DPP10: variants seen among roughly 807,000 people sequenced by gnomAD.
DPP10 encodes the protein inactive dipeptidyl peptidase 10.
In DPP10, 33 loss-of-function variants were observed where a neutral mutation model predicts 120.9. The ratio of observed to expected loss-of-function variants is 0.27; its 90% CI spans 0.21 to 0.37. The LOEUF (loss-of-function observed/expected upper bound fraction) is 0.37, where lower values mean the gene tolerates loss of function less well. Ranked by LOEUF, DPP10 falls within the 10% of genes least tolerant of loss-of-function variation. DPP10 has a pLI of 1.00. For synonymous variants in DPP10, 337 were observed against 326.1 expected (o/e 1.03, Z -0.36); for missense variants, 816 against 942.8 (o/e 0.87, Z 1.76).
intron 13 of DPP10, among the ~76,000 whole-genome samples, chr2:115,768,944 TG>T (rs975971004): frequency 2.0e-5 from 3 of 151,886 alleles, no homozygotes; most frequent in Non-Finnish European, 4.4e-5. Context: ...ATATAATCTA[TG>T]TTTTTTTTTT....
At chr2:115,807,490 A>G (rs13429517) in intron 19 of DPP10, among the ~76,000 whole-genome samples, 2 of 152,130 alleles carry the variant, frequency 1.3e-5, no homozygotes, top group Non-Finnish European at 2.9e-5. Context: ...GCGTAACTGC[A>G]GTTAAACAAC....
At chr2:115,622,510 C>CTTTTTTTTTTTTTTTTTTTTTTTTTTT (rs70941082) in intron 5 of DPP10, among the ~76,000 whole-genome samples, 1 of 117,448 alleles carries the variant, frequency 8.5e-6, no homozygotes. Context: ...ATTTTATTGT[C>CTTTTTTTTTTTTTTTTTTTTTTTTTTT]TTTTTTTTTT....
rs926666274 is a variant in DPP10, at chr2:115,618,462, A to G, written c.442-71225A>G. On this transcript the variant is annotated intron_variant, in intron 5 of 25. Transcript: ENST00000410059. ...GGTGAAAGAGACAAATAAGAAGGAA[A>G]GCAAGTTTAAAGGTTCTGAGGAGTG... Among the ~76,000 whole-genome samples the G allele has an allele frequency of 2.7e-4, 41 of 152,166 alleles. 2 individuals are homozygous for G. Among genetic ancestry groups the G allele is most frequent in the Admixed American group, 1.8e-3 (28 of 15,276 alleles).
rs74512482 is a variant in DPP10 at position 114,933,699 on chromosome 2, A to C, written c.61-375540A>C. On this transcript the variant is annotated intron_variant, in intron 1 of 25. Coordinates refer to ENST00000410059, the MANE Select transcript of DPP10 (RefSeq NM_020868.6). ...AGAGCTATATGATAAAAATAACTAGAAGAATAGCCAAACATTTGGAAGAGA... is the reference window on the plus strand; with the variant it reads ...AGAGCTATATGATAAAAATAACTAGCAGAATAGCCAAACATTTGGAAGAGA... Among the ~76,000 whole-genome samples the C allele has an allele frequency of 6.1e-3, 923 of 152,326 alleles. 11 individuals are homozygous for C. Among genetic ancestry groups the C allele is most frequent in the African/African-American group, 0.021 (876 of 41,572 alleles).
Position 114,895,372 on chromosome 2 carries a change from AG to A in DPP10, c.61-413865del, listed in dbSNP as rs1461895709. Among the ~76,000 whole-genome samples, 3 of 152,348 alleles carry A rather than the reference AG, an allele frequency of 2.0e-5. No individual in the cohort carries two copies. In the East Asian group the frequency reaches 5.8e-4, roughly 29 times the overall value. ...CCTTCCTTCTCCTTGGGCACACAGT[AG>A]GATTTCATTTCTCAGCCTTATATTG... On this transcript the variant is annotated intron_variant, in intron 1 of 25. Transcript: ENST00000410059.
Position 115,557,229 on chromosome 2 carries a change from G to A in DPP10, c.441+31257G>A, listed in dbSNP as rs144255396. The stretch of plus-strand genomic sequence containing the variant: ...AAATGCGGTCAGAAAGAGTTCCTGC[G>A]GTACCACATTATTTTTTTCTTTTTG... On this transcript the variant is annotated intron_variant, in intron 5 of 25. Transcript: ENST00000410059. Among the ~76,000 whole-genome samples, 1,184 of 151,972 alleles carry A rather than the reference G, an allele frequency of 7.8e-3. 17 individuals are homozygous for A. The highest frequency in any genetic ancestry group is 0.025 in the African/African-American group (1,035 of 41,418).
At chr2:115,841,298 G>T (rs1690121007) in intron 25 of DPP10, among the ~76,000 whole-genome samples, 1 of 152,088 alleles carries the variant, frequency 6.6e-6, no homozygotes, top group Non-Finnish European at 1.5e-5. Context: ...AAGAAAAGAA[G>T]AGAGGATAAA....
intron 1 of DPP10, among the ~76,000 whole-genome samples, chr2:114,565,665 G>A (rs1485787500): frequency 6.6e-6 from 1 of 152,208 alleles, no homozygotes; most frequent in African/African-American, 2.4e-5. Context: ...ACCTCTGCAT[G>A]AAGAAATGTG....
At chr2:115,673,697 G>A (rs2090072541) in intron 5 of DPP10, among the ~76,000 whole-genome samples, 1 of 152,164 alleles carries the variant, frequency 6.6e-6, no homozygotes, top group Non-Finnish European at 1.5e-5. Flanking sequence ...GACTAGGTGT[G>A]ATATTTCAAA....
chr2:114,547,288 C>T (rs944495575), intron 1 of DPP10, among the ~76,000 whole-genome samples: 1 of 152,226 alleles, frequency 6.6e-6, no homozygotes, highest in Non-Finnish European at 1.5e-5. Flanking sequence ...CTTTGCTGCT[C>T]CTCCACTCCT....
At position 114,967,478 on chromosome 2, in the gene DPP10, G is replaced by A. The variant is rs142298215; in HGVS notation, c.61-341761G>A. Among the ~76,000 whole-genome samples the A allele has an allele frequency of 9.2e-5, 14 of 152,312 alleles. No individual in the cohort carries two copies. In the East Asian group the frequency reaches 2.7e-3, roughly 29 times the overall value. ...GCTAAGAGGAAGACTGGCATAGAGG[G>A]TTGGGCTTAGGCAGAAGTGGTATAT... On this transcript the variant is annotated intron_variant, in intron 1 of 25. Transcript: ENST00000410059.
chr2:115,302,280 G>A (rs1425792474), intron 1 of DPP10, among the ~76,000 whole-genome samples: 2 of 151,902 alleles, frequency 1.3e-5, no homozygotes, highest in Non-Finnish European at 2.9e-5. Flanking sequence ...ATGATATTTT[G>A]GTAGGGCCAC....
intron 1 of DPP10, among the ~76,000 whole-genome samples, chr2:114,805,630 C>T (rs1684659203): frequency 1.3e-5 from 2 of 152,156 alleles, no homozygotes; most frequent in African/African-American, 2.4e-5. Flanking sequence ...ACCAAAAAAA[C>T]TTTGTTTTGT....
chr2:115,276,245 G>T (rs975163055), intron 1 of DPP10, among the ~76,000 whole-genome samples: 3 of 152,010 alleles, frequency 2.0e-5, no homozygotes, highest in Non-Finnish European at 4.4e-5. Flanking sequence ...TGGGACAATC[G>T]CCTTTAAAGA....
intron 5 of DPP10, among the ~76,000 whole-genome samples, chr2:115,576,696 T>C (rs2081682145): frequency 6.6e-6 from 1 of 152,134 alleles, no homozygotes; most frequent in Non-Finnish European, 1.5e-5. Flanking sequence ...TGACAATGTC[T>C]ACATTACCTC....
At chr2:114,457,678 C>A (rs1678655050) in intron 1 of DPP10, among the ~76,000 whole-genome samples, 1 of 152,036 alleles carries the variant, frequency 6.6e-6, no homozygotes, top group Admixed American at 6.6e-5. Flanking sequence ...ATATTTATAC[C>A]CCTGGGATAA....
At chr2:115,162,132 C>T in intron 1 of DPP10, 1 of 1,529,912 alleles carries the variant, frequency 6.5e-7, no homozygotes. Context: ...CCTCCCTCTT[C>T]TCACCCTCCC....
chr2:115,213,860 G>A (rs1309983135), intron 1 of DPP10, among the ~76,000 whole-genome samples: 1 of 152,084 alleles, frequency 6.6e-6, no homozygotes, highest in Non-Finnish European at 1.5e-5. Context: ...ACTACAATCA[G>A]TAGATTTTTA....
chr2:115,349,297 C>T (rs1273288137), intron 3 of DPP10, among the ~76,000 whole-genome samples: 2 of 152,076 alleles, frequency 1.3e-5, no homozygotes, highest in Non-Finnish European at 2.9e-5. Context: ...ATGGGAGACT[C>T]ATTAAATCAA....
Sources: gnomAD v4.1 joint callset for allele counts (sites outside exome capture counted in the v4.1 genomes callset) on GRCh38, gnomAD v4.1.1 for gene constraint, MANE v1.5 for transcripts, NCBI Gene and HGNC (gene_info 2026-07-23, HGNC 2026-07-21) for gene names.